RAB3C: variants seen among roughly 807,000 people sequenced by gnomAD.
RAB3C encodes the protein RAB3C, member RAS oncogene family, also known as ras-related protein Rab-3C.
A neutral mutation model predicts 26.4 loss-of-function variants in RAB3C; 17 were observed. The ratio of observed to expected loss-of-function variants is 0.64; its 90% CI spans 0.44 to 0.97. The LOEUF is 0.97. Ranked by LOEUF, RAB3C falls within the 50% of genes least tolerant of loss-of-function variation. RAB3C has a pLI of 0.00. For missense variants in RAB3C, 242 were observed against 281.9 expected (o/e 0.86, Z 1.01); for synonymous variants, 91 against 95.9 (o/e 0.95, Z 0.30).
At chr5:58,845,615 T>TAC (rs1283769204) in intron 4 of RAB3C, among the ~76,000 whole-genome samples, 3 of 129,036 alleles carry the variant, frequency 2.3e-5, no homozygotes, top group Admixed American at 7.8e-5. Flanking sequence ...TATATATATG[T>TAC]GTGTGTGTGT....
chr5:58,761,050 C>CTG (rs1409629507), intron 3 of RAB3C, among the ~76,000 whole-genome samples: 7 of 125,472 alleles, frequency 5.6e-5, no homozygotes, highest in Admixed American at 4.8e-4. Flanking sequence ...CTCTCTCTCC[C>CTG]TCTCTCTCTC....
chr5:58,662,036 G>A (rs892324802), intron 2 of RAB3C, among the ~76,000 whole-genome samples: 1 of 150,026 alleles, frequency 6.7e-6, no homozygotes, highest in African/African-American at 2.5e-5. Context: ...ATCAGGTCAG[G>A]AGTGATGAGA....
intron 2 of RAB3C, among the ~76,000 whole-genome samples, chr5:58,676,654 A>G (rs1034537815): frequency 6.6e-6 from 1 of 152,042 alleles, no homozygotes; most frequent in Non-Finnish European, 1.5e-5. Flanking sequence ...TCACCCCCTT[A>G]GCATGTCCTG....
chr5:58,832,524 A>G (rs1045911181), intron 4 of RAB3C, among the ~76,000 whole-genome samples: 2 of 152,240 alleles, frequency 1.3e-5, no homozygotes, highest in Admixed American at 6.5e-5. Context: ...TTAGGAAACA[A>G]TAAGACCAAA....
chr5:58,743,933 A>C (rs1741336699), intron 3 of RAB3C, among the ~76,000 whole-genome samples: 1 of 152,208 alleles, frequency 6.6e-6, no homozygotes, highest in Admixed American at 6.5e-5. Flanking sequence ...ATATAGCTGT[A>C]TTTTCAGAAC....
intron 3 of RAB3C, among the ~76,000 whole-genome samples, chr5:58,759,614 C>T (rs992216009): frequency 6.6e-6 from 1 of 152,182 alleles, no homozygotes; most frequent in Non-Finnish European, 1.5e-5. Context: ...TGCATTCATA[C>T]TGTAGCTTTA....
intron 3 of RAB3C, among the ~76,000 whole-genome samples, chr5:58,811,485 T>C (rs1341826273): frequency 6.6e-6 from 1 of 152,134 alleles, no homozygotes; most frequent in African/African-American, 2.4e-5. Flanking sequence ...GTAAATGTCG[T>C]GTTGAAAGGA....
chr5:58,785,875 T>C (rs1742368245), intron 3 of RAB3C, among the ~76,000 whole-genome samples: 1 of 152,252 alleles, frequency 6.6e-6, no homozygotes, highest in Non-Finnish European at 1.5e-5. Context: ...GAATAATCAG[T>C]TTCAGAGTGC....
intron 3 of RAB3C, among the ~76,000 whole-genome samples, chr5:58,745,367 G>A (rs1020563135): frequency 7.8e-6 from 1 of 127,450 alleles, no homozygotes; most frequent in Non-Finnish European, 1.5e-5. Flanking sequence ...CTGCACTCCA[G>A]CCTGGGCTGA....
intron 2 of RAB3C, among the ~76,000 whole-genome samples, chr5:58,626,419 C>T (rs989074095): frequency 1.3e-5 from 2 of 152,146 alleles, no homozygotes; most frequent in African/African-American, 2.4e-5. Context: ...TCTGCCTGAA[C>T]ACATTGGTGT....
chr5:58,712,912 G>A (rs1237453813), intron 2 of RAB3C, among the ~76,000 whole-genome samples: 1 of 152,176 alleles, frequency 6.6e-6, no homozygotes, highest in Non-Finnish European at 1.5e-5. Context: ...GGTGAGAGGA[G>A]TGTAGTCAAT....
At chr5:58,653,116 C>T (rs1172900769) in intron 2 of RAB3C, among the ~76,000 whole-genome samples, 2 of 152,038 alleles carry the variant, frequency 1.3e-5, no homozygotes, top group Non-Finnish European at 2.9e-5. Context: ...TAATGCTATC[C>T]CTCCCCTTGC....
intron 2 of RAB3C, among the ~76,000 whole-genome samples, chr5:58,709,380 A>G (rs949667984): frequency 6.6e-6 from 1 of 152,184 alleles, no homozygotes; most frequent in Admixed American, 6.5e-5. Context: ...CCAGAGGGGT[A>G]GCACCTCCTC....
intron 3 of RAB3C, among the ~76,000 whole-genome samples, chr5:58,810,748 C>T (rs1416239573): frequency 6.6e-6 from 1 of 152,162 alleles, no homozygotes; most frequent in Non-Finnish European, 1.5e-5. Flanking sequence ...AGGCATGCAT[C>T]ACCATGCCCA....
intron 2 of RAB3C, among the ~76,000 whole-genome samples, chr5:58,694,240 C>G (rs867393295): frequency 1.3e-4 from 20 of 152,246 alleles, no homozygotes; most frequent in Middle Eastern, 3.4e-3. Context: ...CAGTTTCATC[C>G]ATGTCCCTGC....
chr5:58,600,962 T>TA (rs1746440467), intron 1 of RAB3C, among the ~76,000 whole-genome samples: 1 of 152,170 alleles, frequency 6.6e-6, no homozygotes, highest in Non-Finnish European at 1.5e-5. Context: ...CCCCATTCAG[T>TA]GTTATGTTGG....
At chr5:58,775,186 C>T (rs1433788593) in intron 3 of RAB3C, among the ~76,000 whole-genome samples, 1 of 152,102 alleles carries the variant, frequency 6.6e-6, no homozygotes, top group Non-Finnish European at 1.5e-5. Context: ...TCACTCATCG[C>T]CTCCATACTT....
intron 2 of RAB3C, among the ~76,000 whole-genome samples, chr5:58,699,692 C>T (rs1267230254): frequency 6.6e-6 from 1 of 152,226 alleles, no homozygotes; most frequent in African/African-American, 2.4e-5. Context: ...CTCCCCCAAC[C>T]AGGCTGCTGC....
chr5:58,589,453 T>A (rs1746082023), intron 1 of RAB3C, among the ~76,000 whole-genome samples: 1 of 152,224 alleles, frequency 6.6e-6, no homozygotes. Context: ...CCCTCAGTTT[T>A]CTGAATAATT....
Sources: allele counts gnomAD v4.1 joint callset (sites outside exome capture counted in the v4.1 genomes callset), GRCh38; gene constraint gnomAD v4.1.1; transcripts MANE v1.5; gene names NCBI Gene and HGNC (gene_info 2026-07-23, HGNC 2026-07-21).